Variants in CPEB3 observed in about 807,000 individuals in gnomAD.
CPEB3 encodes cytoplasmic polyadenylation element binding protein 3.
Under a neutral mutation model 67.2 loss-of-function variants are expected in CPEB3, and 20 were observed. The ratio of observed to expected loss-of-function variants is 0.30; its 90% CI spans 0.21 to 0.43. The LOEUF (loss-of-function observed/expected upper bound fraction) is 0.43, where lower values mean the gene tolerates loss of function less well. CPEB3 is among the 20% of genes least tolerant of loss of function. The pLI is 1.00. For synonymous variants in CPEB3, 376 were observed against 393.1 expected, an observed-to-expected ratio of 0.96 and a Z score of 0.51; for missense variants, 746 against 968.6, an observed-to-expected ratio of 0.77 and a Z score of 3.05.
At chr10:92,254,665 T>C (rs1264813946) in intron 1 of CPEB3, among the ~76,000 whole-genome samples, 2 of 152,060 alleles carry the variant, frequency 1.3e-5, no homozygotes, top group Non-Finnish European at 2.9e-5. Flanking sequence ...CATTTTTCTT[T>C]TTATACAGAC....
At chr10:92,192,850 T>A (rs1849049508) in intron 2 of CPEB3, among the ~76,000 whole-genome samples, 1 of 152,078 alleles carries the variant, frequency 6.6e-6, no homozygotes, top group Non-Finnish European at 1.5e-5. Flanking sequence ...ATGTCTAGGC[T>A]CAAGCAATCC....
chr10:92,276,213 T>C (rs1320166408), intron 1 of CPEB3, among the ~76,000 whole-genome samples: 2 of 152,100 alleles, frequency 1.3e-5, no homozygotes, highest in Admixed American at 6.6e-5. Context: ...CATTCATCAG[T>C]TGATGGACAA....
rs555880667 is a variant in CPEB3, at chr10:92,076,767, G to A, written c.1869+4553C>T. Among the ~76,000 whole-genome samples, 4 of 73,424 alleles carry A rather than the reference G, an allele frequency of 5.4e-5. No homozygotes were observed. In the East Asian group the frequency reaches 2.0e-3, roughly 36 times the overall value. 48.2% of individuals were successfully genotyped at this position (73,424 alleles called of 152,430 possible). ...AATAAAGGTTTCAAAGTAGAAGAAGGAAGAAGAAGGAGGAAGGAAGAAAAA... is the reference window on the plus strand; with the variant it reads ...AATAAAGGTTTCAAAGTAGAAGAAGAAAGAAGAAGGAGGAAGGAAGAAAAA... On this transcript the variant is annotated intron_variant, in intron 9 of 9. Transcript: ENST00000265997.
chr10:92,118,698 G>C (rs76360699), intron 6 of CPEB3: 1 of 709,532 alleles, frequency 1.4e-6, no homozygotes, highest in South Asian at 1.4e-5. Context: ...CATTGCCTCC[G>C]AGCCCACTTT....
chr10:92,168,372 T>C (rs1021531080), intron 4 of CPEB3, among the ~76,000 whole-genome samples: 2 of 152,188 alleles, frequency 1.3e-5, no homozygotes, highest in African/African-American at 4.8e-5. Context: ...TTAATAAAGA[T>C]ATTATGAGAT....
At chr10:92,072,540 G>A (rs1842788634) in intron 9 of CPEB3, among the ~76,000 whole-genome samples, 3 of 152,154 alleles carry the variant, frequency 2.0e-5, no homozygotes, top group Admixed American at 2.0e-4. Flanking sequence ...TAGTTAGGCT[G>A]GTGTTCTTAT....
At chr10:92,104,666 G>A (rs572347772) in intron 7 of CPEB3, among the ~76,000 whole-genome samples, 8 of 151,990 alleles carry the variant, frequency 5.3e-5, no homozygotes, top group East Asian at 1.9e-4. Context: ...GATTATAGTC[G>A]TGAGGCACCA....
At chr10:92,125,085 T>TAGCC (rs1845552563) in intron 6 of CPEB3, among the ~76,000 whole-genome samples, 1 of 152,238 alleles carries the variant, frequency 6.6e-6, no homozygotes, top group East Asian at 1.9e-4. Context: ...CAAGCCAGCC[T>TAGCC]AGCCAGTGCA....
intron 4 of CPEB3, among the ~76,000 whole-genome samples, chr10:92,156,059 C>T: frequency 6.6e-6 from 1 of 152,074 alleles, no homozygotes; most frequent in Non-Finnish European, 1.5e-5. Flanking sequence ...ACGTAGGGCC[C>T]AGTGTTAGGC....
At chr10:92,127,825 C>T (rs1237346114) in intron 6 of CPEB3, among the ~76,000 whole-genome samples, 1 of 152,018 alleles carries the variant, frequency 6.6e-6, no homozygotes, top group Admixed American at 6.6e-5. Flanking sequence ...ATGATAGGAG[C>T]TAATGTTAGA....
intron 9 of CPEB3, among the ~76,000 whole-genome samples, chr10:92,068,295 G>A (rs1425000305): frequency 6.6e-6 from 1 of 152,128 alleles, no homozygotes; most frequent in Non-Finnish European, 1.5e-5. Context: ...GTATAAATCA[G>A]TCCAAAACCA....
At position 92,239,817 on chromosome 10, in the gene CPEB3, TGGCTGTGCC is replaced by T; in HGVS notation, c.525_533del (p.Ala179_Pro181del). ...GGGGCTGCGCCTGTGGTGGCTGCGC[TGGCTGTGCC>T]GGCTGCGGCGCGGGCGCAGGCGGCG... On this transcript the variant is annotated inframe_deletion, in exon 2 of 10. Transcript: ENST00000265997. This position sits in a 1 kb window ranked among gnomAD's most constrained non-coding sequence, Gnocchi z 6.0. 2.8e-6 allele frequency: 4 copies of T among 1,446,554 alleles called. No homozygotes were observed. Among genetic ancestry groups the T allele is most frequent in the Non-Finnish European group, 3.6e-6 (4 of 1,102,254 alleles). 89.6% of individuals were successfully genotyped at this position (1,446,554 alleles called of 1,614,324 possible).
chr10:92,224,704 G>A (rs1850875879), intron 2 of CPEB3, among the ~76,000 whole-genome samples: 1 of 151,652 alleles, frequency 6.6e-6, no homozygotes, highest in Admixed American at 6.6e-5. Flanking sequence ...AAATTAGCTG[G>A]GCATGGTGGT....
chr10:92,095,171 G>A (rs1843801197), intron 7 of CPEB3, among the ~76,000 whole-genome samples: 1 of 151,942 alleles, frequency 6.6e-6, no homozygotes, highest in Admixed American at 6.6e-5. Flanking sequence ...CCCAACCCCC[G>A]ATCTCACTTC....
chr10:92,233,838 G>A (rs186566162), intron 2 of CPEB3, among the ~76,000 whole-genome samples: 2 of 152,216 alleles, frequency 1.3e-5, no homozygotes, highest in East Asian at 3.9e-4. Flanking sequence ...CGCAGGGTGC[G>A]GTGGCTCATG....
At chr10:92,289,266 G>C (rs369431055) in intron 1 of CPEB3, among the ~76,000 whole-genome samples, 1 of 151,774 alleles carries the variant, frequency 6.6e-6, no homozygotes, top group East Asian at 2.0e-4. Flanking sequence ...GACCAGGCGC[G>C]GTGGCTCGCC....
At chr10:92,092,047 A>C (rs1843640724) in intron 7 of CPEB3, 103 bp from the exon 8 acceptor site, 2 of 734,560 alleles carry the variant, frequency 2.7e-6, no homozygotes, top group South Asian at 1.6e-5. Context: ...TTTCACAATG[A>C]ACATGACCCA....
intron 7 of CPEB3, among the ~76,000 whole-genome samples, chr10:92,094,462 C>T (rs1476811070): frequency 2.0e-5 from 3 of 151,836 alleles, no homozygotes; most frequent in South Asian, 2.1e-4. Context: ...ATTAGCCGGG[C>T]GTGGTAGCGG....
intron 2 of CPEB3, among the ~76,000 whole-genome samples, chr10:92,231,729 T>A (rs1405271071): frequency 6.6e-6 from 1 of 152,154 alleles, no homozygotes; most frequent in Non-Finnish European, 1.5e-5. Flanking sequence ...TTTCTTTTCT[T>A]TTCTTTTTAA....
Sources: allele counts gnomAD v4.1 joint callset (sites outside exome capture counted in the v4.1 genomes callset), GRCh38; gene constraint gnomAD v4.1.1; non-coding constraint Gnocchi (gnomAD v3.1); transcripts MANE v1.5; gene names NCBI Gene and HGNC (gene_info 2026-07-23, HGNC 2026-07-21).